DNAJC3: variants seen among roughly 807,000 people sequenced by gnomAD.
The protein encoded by DNAJC3 is DnaJ heat shock protein family (Hsp40) member C3.
Under a neutral mutation model 68.6 loss-of-function variants are expected in DNAJC3, and 38 were observed. That is an observed-to-expected ratio of 0.55 (90% CI 0.43 to 0.73). The LOEUF (loss-of-function observed/expected upper bound fraction) is 0.73, where lower values mean the gene tolerates loss of function less well. DNAJC3 is among the 30% of genes least tolerant of loss of function. DNAJC3 has a pLI of 0.00. For missense variants in DNAJC3, 526 were observed against 591.9 expected (o/e 0.89, Z 1.16); for synonymous variants, 203 against 204.0 (o/e 1.00, Z 0.04).
chr13:95,698,782 T>C (rs944579168), intron 1 of DNAJC3, among the ~76,000 whole-genome samples: 1 of 152,202 alleles, frequency 6.6e-6, no homozygotes, highest in African/African-American at 2.4e-5. Flanking sequence ...GGATGAAGCA[T>C]GAGAACACGG....
chr13:95,726,171 A>G (rs905249568), intron 4 of DNAJC3, among the ~76,000 whole-genome samples: 19 of 152,036 alleles, frequency 1.2e-4, no homozygotes, highest in African/African-American at 4.3e-4. Context: ...ATGATTTATA[A>G]TCCTTTGGGT....
chr13:95,758,479 A>C (rs1882729878), intron 5 of DNAJC3, among the ~76,000 whole-genome samples: 1 of 151,952 alleles, frequency 6.6e-6, no homozygotes, highest in African/African-American at 2.4e-5. Flanking sequence ...CTAAAAAAAA[A>C]AAAAAGAAAA....
intron 4 of DNAJC3, among the ~76,000 whole-genome samples, chr13:95,736,923 T>A (rs1359120620): frequency 2.0e-5 from 3 of 149,814 alleles, no homozygotes; most frequent in African/African-American, 5.0e-5. Flanking sequence ...ATGCTTCCAG[T>A]TTTTGCCCAT....
At chr13:95,742,855 CTACGCCGT>C (rs747429019) in intron 4 of DNAJC3, 2 of 518,276 alleles carry the variant, frequency 3.9e-6, no homozygotes, top group Admixed American at 3.9e-5. Context: ...GAAGTATTCA[CTACGCCGT>C]AGGATCTAAA....
intron 4 of DNAJC3, among the ~76,000 whole-genome samples, chr13:95,736,936 A>G (rs1410408289): frequency 0.013 from 1,916 of 149,890 alleles, 39 homozygotes; most frequent in African/African-American, 0.046. Flanking sequence ...TTGCCCATTC[A>G]GTATGATATT....
At chr13:95,703,823 C>T (rs1880644394) in intron 1 of DNAJC3, among the ~76,000 whole-genome samples, 1 of 151,424 alleles carries the variant, frequency 6.6e-6, no homozygotes, top group South Asian at 2.1e-4. Flanking sequence ...ATTTCAGTTA[C>T]TCTGGCTTTT....
rs748927400 is a variant in DNAJC3, at chr13:95,760,766, T to G, written c.816T>G (p.Ile272Met). ...YKQVKKLNKL[I>M]ESAEELIRDG... ...AAGTAAAGAAACTTAATAAGCTGAT[T>G]GAGTCAGCTGAAGAGCTCATCAGAG... Residue 272 changes from isoleucine to methionine, a missense_variant, in exon 7 of 12, where the codon ATT (isoleucine) becomes ATG (methionine). Physicochemically the swap from Ile to Met is conservative, Grantham distance 10. Coordinates refer to ENST00000602402, the MANE Select transcript of DNAJC3 (RefSeq NM_006260.5). 52 of 1,612,318 alleles carry G rather than the reference T, an allele frequency of 3.2e-5. No individual in the cohort carries two copies. The Admixed American group carries it at 8.4e-4, about 26-fold the overall frequency.
intron 9 of DNAJC3, among the ~76,000 whole-genome samples, chr13:95,774,268 T>C (rs1189053325): frequency 6.6e-6 from 1 of 152,216 alleles, no homozygotes; most frequent in Non-Finnish European, 1.5e-5. Flanking sequence ...TTGAAGTGTA[T>C]TCTAATTTCC....
At chr13:95,689,456 T>A (rs1407824770) in intron 1 of DNAJC3, among the ~76,000 whole-genome samples, 1 of 152,092 alleles carries the variant, frequency 6.6e-6, no homozygotes, top group Non-Finnish European at 1.5e-5. Context: ...CTTTCTCATT[T>A]CTGGTTGTGC....
chr13:95,742,653 T>C (rs201294756), intron 4 of DNAJC3: 5 of 517,682 alleles, frequency 9.7e-6, no homozygotes, highest in South Asian at 2.8e-5. Context: ...GTTCCTTCTC[T>C]GTTGGGACTC....
intron 1 of DNAJC3, among the ~76,000 whole-genome samples, chr13:95,701,512 C>G (rs542555531): frequency 5.9e-5 from 9 of 152,138 alleles, no homozygotes; most frequent in Non-Finnish European, 1.2e-4. Flanking sequence ...AACAGATTTC[C>G]CCATCACCCT....
At chr13:95,707,066 C>T (rs926044261) in intron 1 of DNAJC3, among the ~76,000 whole-genome samples, 10 of 152,062 alleles carry the variant, frequency 6.6e-5, no homozygotes, top group Non-Finnish European at 1.2e-4. Flanking sequence ...AGGATAGTTT[C>T]GGGATGAATC....
intron 9 of DNAJC3, among the ~76,000 whole-genome samples, chr13:95,784,941 G>GT (rs1440803373): frequency 6.6e-6 from 1 of 152,028 alleles, no homozygotes; most frequent in Non-Finnish European, 1.5e-5. Context: ...CAGAGACCCT[G>GT]TCTCTTAAAA....
At chr13:95,756,524 A>G (rs1251620286) in intron 4 of DNAJC3, among the ~76,000 whole-genome samples, 1 of 152,240 alleles carries the variant, frequency 6.6e-6, no homozygotes, top group African/African-American at 2.4e-5. Context: ...CCAAGAAATA[A>G]TATTGATAAA....
At chr13:95,772,053 T>TG (rs1333170778) in intron 9 of DNAJC3, among the ~76,000 whole-genome samples, 1 of 152,242 alleles carries the variant, frequency 6.6e-6, no homozygotes, top group Non-Finnish European at 1.5e-5. Flanking sequence ...ATGTGGTCTC[T>TG]GTTGCAACTA....
intron 2 of DNAJC3, among the ~76,000 whole-genome samples, chr13:95,722,613 T>G (rs929771747): frequency 2.2e-5 from 3 of 139,072 alleles, no homozygotes; most frequent in Non-Finnish European, 4.8e-5. Flanking sequence ...TACAAAAAAT[T>G]AAAAAAAAAA....
At chr13:95,744,748 A>G (rs1432725526) in intron 4 of DNAJC3, 1 of 152,246 alleles carries the variant, frequency 6.6e-6, no homozygotes, top group Non-Finnish European at 1.5e-5. Context: ...CCTTGATTCC[A>G]CAGGACAGAA....
At chr13:95,757,910 C>A in intron 5 of DNAJC3, 114 bp downstream of exon 5, 2 of 1,223,986 alleles carry the variant, frequency 1.6e-6, no homozygotes, top group African/African-American at 1.5e-5. Context: ...TCAGGTTGGT[C>A]CTTGGGCTTT....
intron 1 of DNAJC3, among the ~76,000 whole-genome samples, chr13:95,696,335 A>G (rs1280597496): frequency 1.3e-5 from 2 of 152,136 alleles, no homozygotes; most frequent in South Asian, 2.1e-4. Flanking sequence ...TGGGCCCATA[A>G]CACTTGGGAG....
Sources: allele counts gnomAD v4.1 joint callset (sites outside exome capture counted in the v4.1 genomes callset), GRCh38; gene constraint gnomAD v4.1.1; transcripts MANE v1.5; gene names NCBI Gene and HGNC (gene_info 2026-07-23, HGNC 2026-07-21).